PDE11A: variants seen among roughly 807,000 people sequenced by gnomAD.
PDE11A encodes the protein dual 3',5'-cyclic-AMP and -GMP phosphodiesterase 11A.
A neutral mutation model predicts 100.5 loss-of-function variants in PDE11A; 100 were observed. That is an observed-to-expected ratio of 1.00 (90% CI 0.85 to 1.18). The LOEUF is 1.18. Among genes scored for constraint, PDE11A ranks in the 50% most tolerant of loss-of-function variants. The pLI, the probability that PDE11A is intolerant of heterozygous loss-of-function variation, is 0.00. For missense variants in PDE11A, 1,141 were observed against 1,152.6 expected (o/e 0.99, Z 0.15); for synonymous variants, 381 against 420.8 (o/e 0.91, Z 1.16).
intron 2 of PDE11A, among the ~76,000 whole-genome samples, chr2:177,931,252 T>C (rs140604243): frequency 2.6e-5 from 4 of 152,336 alleles, no homozygotes; most frequent in Non-Finnish European, 5.9e-5. Flanking sequence ...TTATTTTTAA[T>C]TGACAAATAA....
At chr2:178,059,784 T>C (rs904384179) in intron 1 of PDE11A, among the ~76,000 whole-genome samples, 1 of 152,196 alleles carries the variant, frequency 6.6e-6, no homozygotes, top group East Asian at 1.9e-4. Flanking sequence ...GATTTTGTTA[T>C]GGGCAGTTAA....
chr2:177,917,954 T>C (rs1487549463), intron 2 of PDE11A, among the ~76,000 whole-genome samples: 4 of 152,230 alleles, frequency 2.6e-5, no homozygotes, highest in Non-Finnish European at 5.9e-5. Context: ...AATGTAATAG[T>C]ACCCTAAAAT....
At chr2:177,956,809 G>C (rs2085569034) in intron 2 of PDE11A, among the ~76,000 whole-genome samples, 1 of 141,714 alleles carries the variant, frequency 7.1e-6, no homozygotes, top group African/African-American at 2.6e-5. Flanking sequence ...CTATCGCAAG[G>C]ACAAAAAACC....
At chr2:178,006,346 A>G (rs1390916680) in intron 2 of PDE11A, among the ~76,000 whole-genome samples, 1 of 152,220 alleles carries the variant, frequency 6.6e-6, no homozygotes, top group Non-Finnish European at 1.5e-5. Context: ...AAAGGTGGAA[A>G]TGAGAATTCC....
intron 4 of PDE11A, among the ~76,000 whole-genome samples, chr2:177,880,198 A>C (rs2084307407): frequency 6.6e-6 from 1 of 152,228 alleles, no homozygotes. Flanking sequence ...AACCCTTGTA[A>C]TGCCTGATTA....
At chr2:177,970,889 T>A (rs545824255) in intron 2 of PDE11A, among the ~76,000 whole-genome samples, 1 of 150,872 alleles carries the variant, frequency 6.6e-6, no homozygotes, top group South Asian at 2.1e-4. Context: ...AGGGGAGGAG[T>A]TTCAGGAAGG....
At chr2:177,732,656 T>G (rs925502846) in intron 10 of PDE11A, among the ~76,000 whole-genome samples, 1 of 152,218 alleles carries the variant, frequency 6.6e-6, no homozygotes, top group African/African-American at 2.4e-5. Flanking sequence ...TATAGGAATT[T>G]TTTCATTATG....
At chr2:177,899,652 A>ATATATATATG (rs2084667906) in intron 3 of PDE11A, 1 of 217,350 alleles carries the variant, frequency 4.6e-6, no homozygotes, top group Non-Finnish European at 9.5e-6. Context: ...ATATATATAT[A>ATATATATATG]TATGTAATTT....
chr2:177,835,102 G>A (rs534007385), intron 6 of PDE11A, among the ~76,000 whole-genome samples: 4 of 152,284 alleles, frequency 2.6e-5, no homozygotes, highest in East Asian at 3.9e-4. Flanking sequence ...CTGTGTTAAC[G>A]TGAGTGGAAG....
chr2:178,086,416 C>T (rs936630540), intron 2 of PDE11A, among the ~76,000 whole-genome samples: 2 of 152,056 alleles, frequency 1.3e-5, no homozygotes, highest in Non-Finnish European at 2.9e-5. Flanking sequence ...AGACCAGATA[C>T]CATAATGCAC....
chr2:178,030,618 G>A (rs1399627684), intron 1 of PDE11A, among the ~76,000 whole-genome samples: 1 of 152,038 alleles, frequency 6.6e-6, no homozygotes, highest in Non-Finnish European at 1.5e-5. Flanking sequence ...GCTCACACCT[G>A]TAATCCCAAC....
chr2:178,079,463 C>A (rs541817223), intron 2 of PDE11A, among the ~76,000 whole-genome samples: 1 of 152,248 alleles, frequency 6.6e-6, no homozygotes, highest in East Asian at 1.9e-4. Flanking sequence ...CTGCAAAGTA[C>A]ATGATCTTGT....
At chr2:177,720,967 A>G (rs1341802564) in intron 12 of PDE11A, among the ~76,000 whole-genome samples, 1 of 152,152 alleles carries the variant, frequency 6.6e-6, no homozygotes, top group Admixed American at 6.6e-5. Context: ...GTGCTTGTGT[A>G]TGTAAGTCTC....
At chr2:177,763,126 G>C (rs74413042) in intron 10 of PDE11A, among the ~76,000 whole-genome samples, 1,658 of 152,274 alleles carry the variant, frequency 0.011, 37 homozygotes, top group African/African-American at 0.037. Context: ...AGTGCAAGCC[G>C]CCCGGCTCGG....
intron 13 of PDE11A, among the ~76,000 whole-genome samples, chr2:177,704,219 A>T (rs2081244107): frequency 6.6e-6 from 1 of 152,186 alleles, no homozygotes; most frequent in East Asian, 1.9e-4. Context: ...GAAGCTCACA[A>T]TCCCCTATAA....
chr2:177,685,794 A>G (rs1188211333), intron 15 of PDE11A, among the ~76,000 whole-genome samples: 1 of 152,060 alleles, frequency 6.6e-6, no homozygotes, highest in Non-Finnish European at 1.5e-5. Flanking sequence ...CTCGAACTCC[A>G]GACCTCAGGT....
At chr2:177,838,579 G>A (rs1418656081) in intron 6 of PDE11A, among the ~76,000 whole-genome samples, 2 of 152,062 alleles carry the variant, frequency 1.3e-5, no homozygotes, top group Non-Finnish European at 2.9e-5. Context: ...ACTATTTTGG[G>A]AAGATGGCAG....
At chr2:177,680,760 CAGAAA>C in intron 16 of PDE11A, 61 bp downstream of exon 16, 1 of 874,296 alleles carries the variant, frequency 1.1e-6, no homozygotes. Context: ...TTAGTACTGT[CAGAAA>C]ATTTATGTGG....
chr2:177,965,227 G>C (rs141019405), intron 2 of PDE11A, among the ~76,000 whole-genome samples: 1 of 151,930 alleles, frequency 6.6e-6, no homozygotes, highest in Non-Finnish European at 1.5e-5. Context: ...TTTGCTTTTT[G>C]CTTGCTAATT....
Sources: allele counts gnomAD v4.1 joint callset (sites outside exome capture counted in the v4.1 genomes callset), GRCh38; gene constraint gnomAD v4.1.1; transcripts MANE v1.5; gene names NCBI Gene and HGNC (gene_info 2026-07-23, HGNC 2026-07-21).